CSGALNACT1: variants seen among roughly 807,000 people sequenced by gnomAD.
The protein encoded by CSGALNACT1 is beta4GalNAcT-1.
In CSGALNACT1, 52 loss-of-function variants were observed where a neutral mutation model predicts 51.0. That is an observed-to-expected ratio of 1.02 (90% CI 0.82 to 1.29). CSGALNACT1 has a LOEUF of 1.29. Among genes scored for constraint, CSGALNACT1 ranks in the 50% most tolerant of loss-of-function variants. The pLI is 0.00. For missense variants in CSGALNACT1, 935 were observed against 679.2 expected, an observed-to-expected ratio of 1.38 and a Z score of -4.19; for synonymous variants, 341 against 254.4, an observed-to-expected ratio of 1.34 and a Z score of -3.24.
chr8:19,713,334 G>A lies in CSGALNACT1; in HGVS notation c.-297+44516C>T, dbSNP rs142213059. On this transcript the variant is annotated intron_variant, in intron 1 of 1. Transcript: ENST00000517494. ...TATGAAAGGCTTCAGGTAGGAGGCA[G>A]GACTCAAGTGCACTTCAGAGAGTGA... Among the ~76,000 whole-genome samples the A allele has an allele frequency of 5.5e-4, 83 of 152,278 alleles. No homozygotes were observed. In the East Asian group the frequency reaches 0.013, roughly 24 times the overall value.
At chr8:19,487,184 C>G (rs1361014388) in intron 4 of CSGALNACT1, among the ~76,000 whole-genome samples, 2 of 152,202 alleles carry the variant, frequency 1.3e-5, no homozygotes, top group African/African-American at 4.8e-5. Context: ...AACATTTACT[C>G]ACATTCTGCT....
intron 1 of CSGALNACT1, 22 bp from the exon 2 acceptor site, chr8:19,601,887 A>T (rs1229887922): frequency 2.2e-6 from 1 of 453,974 alleles, no homozygotes. Flanking sequence ...TAAAAACAAA[A>T]GGCAACCCTT....
chr8:19,741,465 A>G (rs1216602333), intron 1 of CSGALNACT1, among the ~76,000 whole-genome samples: 1 of 149,490 alleles, frequency 6.7e-6, no homozygotes, highest in Admixed American at 6.8e-5. Context: ...CTGGAGGCTG[A>G]GTCAGAAGAA....
At chr8:19,577,232 G>A (rs767748946) in intron 3 of CSGALNACT1, among the ~76,000 whole-genome samples, 3 of 152,038 alleles carry the variant, frequency 2.0e-5, no homozygotes, top group Non-Finnish European at 4.4e-5. Context: ...CGCGATACTA[G>A]CTCTACTGCT....
At chr8:19,695,239 T>C (rs990022867) in intron 1 of CSGALNACT1, among the ~76,000 whole-genome samples, 2 of 152,204 alleles carry the variant, frequency 1.3e-5, no homozygotes, top group Middle Eastern at 3.2e-3. Flanking sequence ...TGGAAATAAT[T>C]TGAATTGTAA....
At chr8:19,704,975 C>A (rs1472180710) in intron 1 of CSGALNACT1, among the ~76,000 whole-genome samples, 1 of 152,166 alleles carries the variant, frequency 6.6e-6, no homozygotes, top group African/African-American at 2.4e-5. Context: ...ATGATGCAAA[C>A]TTTCCATTAC....
chr8:19,549,032 G>T (rs1414779611), intron 3 of CSGALNACT1, among the ~76,000 whole-genome samples: 1 of 151,938 alleles, frequency 6.6e-6, no homozygotes, highest in Non-Finnish European at 1.5e-5. Flanking sequence ...GCCCATGTTG[G>T]TCTCCAACTC....
chr8:19,466,574 C>T (rs550739745), intron 4 of CSGALNACT1, among the ~76,000 whole-genome samples: 1 of 152,168 alleles, frequency 6.6e-6, no homozygotes, highest in African/African-American at 2.4e-5. Context: ...TGGCATATCG[C>T]ATTCCCAGAT....
chr8:19,712,095 G>A (rs190942622), intron 1 of CSGALNACT1, among the ~76,000 whole-genome samples: 3 of 151,960 alleles, frequency 2.0e-5, no homozygotes, highest in Admixed American at 6.6e-5. Context: ...GCGCGATCTC[G>A]GCTCACTGCA....
chr8:19,697,633 C>A (rs2061651179), intron 1 of CSGALNACT1, among the ~76,000 whole-genome samples: 1 of 152,150 alleles, frequency 6.6e-6, no homozygotes, highest in Non-Finnish European at 1.5e-5. Flanking sequence ...CCCCCCTGTA[C>A]AAGGTACCCA....
intron 3 of CSGALNACT1, among the ~76,000 whole-genome samples, chr8:19,590,292 T>A (rs1410738388): frequency 1.3e-5 from 2 of 152,172 alleles, no homozygotes; most frequent in Admixed American, 1.3e-4. Flanking sequence ...CAGAGGCACT[T>A]TGAGATATTT....
chr8:19,619,257 G>C (rs1308549601), intron 1 of CSGALNACT1, among the ~76,000 whole-genome samples: 4 of 131,406 alleles, frequency 3.0e-5, no homozygotes, highest in African/African-American at 5.5e-5. Context: ...TCGGGGGGGG[G>C]TGGGCCTTGA....
intron 3 of CSGALNACT1, among the ~76,000 whole-genome samples, chr8:19,581,681 T>G (rs2045604430): frequency 6.6e-6 from 1 of 152,208 alleles, no homozygotes; most frequent in African/African-American, 2.4e-5. Flanking sequence ...TGGGCTTCTC[T>G]AACTCCTAGA....
At chr8:19,438,814 T>A (rs2060818168) in intron 6 of CSGALNACT1, among the ~76,000 whole-genome samples, 1 of 152,258 alleles carries the variant, frequency 6.6e-6, no homozygotes. Context: ...TGAATAATTA[T>A]AACTAGCATT....
At position 19,553,640 on chromosome 8, in the gene CSGALNACT1, A is replaced by ATATATAT. The variant is rs201836569; in HGVS notation, c.-297+37519_-297+37520insATATATA. Among the ~76,000 whole-genome samples, 924 of 116,944 alleles carry ATATATAT rather than the reference A, an allele frequency of 7.9e-3. 59 individuals carry two copies. The highest frequency in any genetic ancestry group is 0.029 in the African/African-American group (797 of 27,060). The allele number at this position is 116,944 out of a possible 152,430, so 76.7% of individuals were successfully genotyped here. A position where few individuals can be genotyped will look rare whatever the true frequency, so the allele number is the denominator to read the frequency against. ...AAATACATATATATATATATATATA[A>ATATATAT]AAAAATATGTCAGCCTTTCTATTAC... On this transcript the variant is annotated intron_variant, in intron 3 of 9. Coordinates refer to ENST00000454498, the Ensembl canonical transcript of CSGALNACT1.
At chr8:19,412,208 C>A (rs923975261) in intron 8 of CSGALNACT1, among the ~76,000 whole-genome samples, 2 of 152,162 alleles carry the variant, frequency 1.3e-5, no homozygotes, top group Non-Finnish European at 2.9e-5. Flanking sequence ...CACTTCCTCC[C>A]CACCTGAGAT....
At chr8:19,425,509 T>C (rs1484010587) in intron 6 of CSGALNACT1, among the ~76,000 whole-genome samples, 1 of 152,180 alleles carries the variant, frequency 6.6e-6, no homozygotes, top group Non-Finnish European at 1.5e-5. Flanking sequence ...GCAGAATCGA[T>C]TTTTTCCTCT....
At chr8:19,677,083 A>C (rs2060247869) in intron 1 of CSGALNACT1, among the ~76,000 whole-genome samples, 1 of 151,076 alleles carries the variant, frequency 6.6e-6, no homozygotes, top group African/African-American at 2.4e-5. Flanking sequence ...ATGCACCAGA[A>C]GCTAAACAGA....
chr8:19,532,894 C>T (rs963518980), intron 3 of CSGALNACT1, among the ~76,000 whole-genome samples: 9 of 152,196 alleles, frequency 5.9e-5, no homozygotes, highest in South Asian at 2.1e-4. Flanking sequence ...GCTGCTTATC[C>T]ACCGGACTCA....
Sources: gnomAD v4.1 joint callset for allele counts (sites outside exome capture counted in the v4.1 genomes callset) on GRCh38, gnomAD v4.1.1 for gene constraint, MANE v1.5 for transcripts, NCBI Gene and HGNC (gene_info 2026-07-23, HGNC 2026-07-21) for gene names.